The following LDLRAD3 variants were observed in gnomAD, a reference collection of about 807,000 sequenced individuals.
The protein encoded by LDLRAD3 is low density lipoprotein receptor class A domain containing 3.
In LDLRAD3, 20 loss-of-function variants were observed where a neutral mutation model predicts 29.4. The ratio of observed to expected loss-of-function variants is 0.68; its 90% CI spans 0.48 to 0.99. LDLRAD3 has a LOEUF of 0.99. LDLRAD3 is among the 50% of genes least tolerant of loss of function. LDLRAD3 has a pLI of 0.00. For missense variants in LDLRAD3, 420 were observed against 454.3 expected (o/e 0.92, Z 0.69); for synonymous variants, 157 against 192.7 (o/e 0.81, Z 1.53).
At chr11:36,055,697 A>G (rs1465684935) in intron 2 of LDLRAD3, among the ~76,000 whole-genome samples, 2 of 152,230 alleles carry the variant, frequency 1.3e-5, no homozygotes, top group African/African-American at 4.8e-5. Context: ...CCTAGTTAGT[A>G]TACTTTGGTG....
chr11:35,997,554 A>G (rs1851770833), intron 1 of LDLRAD3: 8 of 340,426 alleles, frequency 2.3e-5, no homozygotes, highest in South Asian at 2.1e-4. Flanking sequence ...GTCATCACCA[A>G]CCTTTTTTGC....
intron 3 of LDLRAD3, among the ~76,000 whole-genome samples, chr11:36,090,125 G>T (rs1244556819): frequency 1.3e-5 from 2 of 152,150 alleles, no homozygotes; most frequent in East Asian, 3.9e-4. Flanking sequence ...AGCCCAGGTG[G>T]ACTTCACACT....
intron 4 of LDLRAD3, chr11:36,184,136 T>C (rs959042502): frequency 5.1e-6 from 1 of 196,962 alleles, no homozygotes; most frequent in African/African-American, 2.4e-5. Flanking sequence ...CAGCTAATTT[T>C]GTATTTTTAA....
At chr11:36,027,237 T>C (rs1267770508) in intron 1 of LDLRAD3, among the ~76,000 whole-genome samples, 1 of 152,192 alleles carries the variant, frequency 6.6e-6, no homozygotes. Context: ...AATCATTCTT[T>C]GATTACAAGT....
intron 4 of LDLRAD3, among the ~76,000 whole-genome samples, chr11:36,116,844 C>CTTTTTTTTT (rs58819693): frequency 7.3e-6 from 1 of 136,986 alleles, no homozygotes; most frequent in African/African-American, 2.7e-5. Context: ...TTCTTTTTTT[C>CTTTTTTTTT]TTTTTTTTTT....
At chr11:35,960,224 C>T (rs263082) in intron 1 of LDLRAD3, among the ~76,000 whole-genome samples, 84,891 of 152,044 alleles carry the variant, frequency 0.56, 26,156 homozygotes, top group African/African-American at 0.83. Context: ...TTGCCACATA[C>T]AGATACAGTT....
At chr11:36,159,038 A>G (rs1854395968) in intron 4 of LDLRAD3, among the ~76,000 whole-genome samples, 1 of 152,174 alleles carries the variant, frequency 6.6e-6, no homozygotes, top group Non-Finnish European at 1.5e-5. Context: ...GTAATTTTGT[A>G]CGTGTTGGCT....
intron 4 of LDLRAD3, among the ~76,000 whole-genome samples, chr11:36,165,976 CCCTT>C (rs1242167369): frequency 0.02 from 1,977 of 101,314 alleles, 90 homozygotes; most frequent in African/African-American, 0.091. Context: ...CTCCCTCCCT[CCCTT>C]CCTTCCTTCC....
chr11:36,018,380 A>T (rs1852050313), intron 1 of LDLRAD3, among the ~76,000 whole-genome samples: 1 of 152,186 alleles, frequency 6.6e-6, no homozygotes. Context: ...ATGTTATAAC[A>T]AGTTAGTATG....
intron 2 of LDLRAD3, among the ~76,000 whole-genome samples, chr11:36,079,693 G>T (rs1226523248): frequency 6.6e-6 from 1 of 152,216 alleles, no homozygotes; most frequent in East Asian, 1.9e-4. Flanking sequence ...AGCCACAGGG[G>T]CTGGAGAAAA....
chr11:36,182,588 T>C (rs562179346), intron 4 of LDLRAD3, among the ~76,000 whole-genome samples: 34 of 152,332 alleles, frequency 2.2e-4, no homozygotes, highest in Non-Finnish European at 3.8e-4. Context: ...CAACGTTGGC[T>C]GCTTATTAGA....
intron 4 of LDLRAD3, chr11:36,183,879 T>G (rs12792616): frequency 0.035 from 7,359 of 208,040 alleles, 575 homozygotes; most frequent in African/African-American, 0.16. Flanking sequence ...TACGGTTAAG[T>G]GGGTCCATTG....
intron 4 of LDLRAD3, among the ~76,000 whole-genome samples, chr11:36,140,515 A>G (rs1482129199): frequency 2.0e-5 from 3 of 152,096 alleles, no homozygotes; most frequent in African/African-American, 7.2e-5. Flanking sequence ...TGCAGCCTCT[A>G]CTTCCCGGGC....
intron 1 of LDLRAD3, among the ~76,000 whole-genome samples, chr11:36,019,570 C>A (rs891349968): frequency 6.6e-6 from 1 of 152,104 alleles, no homozygotes; most frequent in African/African-American, 2.4e-5. Context: ...CTTCAGTGGC[C>A]GTTGATAACA....
intron 4 of LDLRAD3, among the ~76,000 whole-genome samples, chr11:36,115,279 T>A (rs1463542299): frequency 6.6e-6 from 1 of 152,162 alleles, no homozygotes; most frequent in Non-Finnish European, 1.5e-5. Context: ...TCCTAAACCA[T>A]AGAAACTGTG....
intron 1 of LDLRAD3, among the ~76,000 whole-genome samples, chr11:35,991,864 TGTTTG>T (rs1457266524): frequency 1.7e-5 from 1 of 60,130 alleles, no homozygotes; most frequent in African/African-American, 5.5e-5. Flanking sequence ...ATTGAATGGT[TGTTTG>T]TGTGTGTGTG....
At chr11:36,172,274 G>A (rs993031668) in intron 4 of LDLRAD3, among the ~76,000 whole-genome samples, 3 of 152,116 alleles carry the variant, frequency 2.0e-5, no homozygotes, top group Admixed American at 1.3e-4. Context: ...TATCATAAGT[G>A]AAGAGCAACA....
At chr11:36,112,051 CT>C (rs1853613807) in intron 4 of LDLRAD3, among the ~76,000 whole-genome samples, 1 of 152,180 alleles carries the variant, frequency 6.6e-6, no homozygotes, top group Non-Finnish European at 1.5e-5. Context: ...TGAAACCCTC[CT>C]TTTTTTCTTT....
intron 4 of LDLRAD3, among the ~76,000 whole-genome samples, chr11:36,165,091 C>T (rs761495270): frequency 6.6e-6 from 1 of 152,182 alleles, no homozygotes; most frequent in Non-Finnish European, 1.5e-5. Flanking sequence ...TATCCTTTTC[C>T]ATGCCTAGGC....
Sources: allele counts gnomAD v4.1 joint callset (sites outside exome capture counted in the v4.1 genomes callset), GRCh38; gene constraint gnomAD v4.1.1; transcripts MANE v1.5; gene names NCBI Gene and HGNC (gene_info 2026-07-23, HGNC 2026-07-21).